Variants in SUMF1 observed in about 807,000 individuals in gnomAD.
SUMF1 encodes sulfatase modifying factor 1, also known as formylglycine-generating enzyme.
SUMF1 carries 48 observed loss-of-function variants against 47.6 expected under a neutral mutation model. The ratio of observed to expected loss-of-function variants is 1.01; its 90% CI spans 0.80 to 1.28. The LOEUF is 1.28. Among genes scored for constraint, SUMF1 ranks in the 50% most tolerant of loss-of-function variants. The probability of loss-of-function intolerance (pLI) is 0.00; values close to 1 mark genes in which losing one functional copy is unlikely to be tolerated. For missense variants in SUMF1, 571 were observed against 485.4 expected (o/e 1.18, Z -1.66); for synonymous variants, 230 against 192.1 (o/e 1.20, Z -1.63).
rs144321299 is a variant in SUMF1 at position 4,288,146 on chromosome 3, G to C, written c.1014+88184C>G. Among the ~76,000 whole-genome samples, 99 of 152,234 alleles carry C rather than the reference G, an allele frequency of 6.5e-4. 1 individual carries two copies. The highest frequency in any genetic ancestry group is 2.3e-3 in the African/African-American group (96 of 41,560). On this transcript the variant is annotated intron_variant and NMD_transcript_variant, in intron 8 of 12. Transcript: ENST00000448413. ...CCAGACAACACCTAGGGAAGGTGAG[G>C]AATATACAATAATACAAATGAAGTT...
At chr3:4,228,735 T>G (rs1696232240) in intron 8 of SUMF1, among the ~76,000 whole-genome samples, 1 of 152,128 alleles carries the variant, frequency 6.6e-6, no homozygotes, top group Non-Finnish European at 1.5e-5. Flanking sequence ...CTTAGAACCC[T>G]GACATATCAA....
rs769586805 is a variant in SUMF1 at position 4,174,155 on chromosome 3, G to C, written c.1015-105410C>G. Among the ~76,000 whole-genome samples, 13 of 151,946 alleles carry C rather than the reference G, an allele frequency of 8.6e-5. 1 individual carries two copies. The highest frequency in any genetic ancestry group is 5.2e-4 in the Admixed American group (8 of 15,264). On this transcript the variant is annotated intron_variant and NMD_transcript_variant, in intron 8 of 12. Transcript: ENST00000448413. Reference sequence around the variant, plus strand: ...GTGGATCATGAGGTCAGGAGATCGAGAGCATCCTGGCTAACATGGTGAAAC... The same window carrying C: ...GTGGATCATGAGGTCAGGAGATCGACAGCATCCTGGCTAACATGGTGAAAC...
At chr3:4,447,519 T>C (rs1575234570) in intron 3 of SUMF1, among the ~76,000 whole-genome samples, 1 of 151,906 alleles carries the variant, frequency 6.6e-6, no homozygotes, top group Admixed American at 6.6e-5. Context: ...TCTCCCCTAC[T>C]GCTCAAATTT....
At chr3:4,130,459 T>G (rs1416711015) in intron 8 of SUMF1, among the ~76,000 whole-genome samples, 3 of 152,178 alleles carry the variant, frequency 2.0e-5, no homozygotes, top group Non-Finnish European at 4.4e-5. Context: ...CTTGATCTCT[T>G]TTTGCTTCTG....
chr3:4,457,001 T>C (rs995863161), intron 1 of SUMF1, among the ~76,000 whole-genome samples: 6 of 145,142 alleles, frequency 4.1e-5, no homozygotes, highest in Non-Finnish European at 7.6e-5. Context: ...CGTGTGTGTA[T>C]ATATATACGT....
intron 8 of SUMF1, among the ~76,000 whole-genome samples, chr3:4,346,531 G>A (rs1479678539): frequency 1.3e-5 from 2 of 152,128 alleles, no homozygotes; most frequent in Non-Finnish European, 2.9e-5. Context: ...CTAAAACAGA[G>A]TTAAGAGGGA....
At position 4,183,182 on chromosome 3, in the gene SUMF1, C is replaced by G. The variant is rs116120339; in HGVS notation, c.1015-114437G>C. Reference sequence around the variant, plus strand: ...AAAAGCTTGGTGTCAGAGGCAAAGACAGTTAATTTACTACAATTCCATTGT... The same window carrying G: ...AAAAGCTTGGTGTCAGAGGCAAAGAGAGTTAATTTACTACAATTCCATTGT... On this transcript the variant is annotated intron_variant and NMD_transcript_variant, in intron 8 of 12. Coordinates refer to the SUMF1 transcript ENST00000448413. Among the ~76,000 whole-genome samples, 670 of 152,228 alleles carry G rather than the reference C, an allele frequency of 4.4e-3. 6 individuals are homozygous for G. Among genetic ancestry groups the G allele is most frequent in the African/African-American group, 0.015 (630 of 41,530 alleles).
chr3:4,379,260 C>G (rs1359709712), intron 7 of SUMF1, among the ~76,000 whole-genome samples: 4 of 152,172 alleles, frequency 2.6e-5, no homozygotes, highest in African/African-American at 4.8e-5. Flanking sequence ...GAAATAGGAA[C>G]TTTGCAGACT....
At chr3:4,109,283 CAG>C (rs1693235022) in intron 8 of SUMF1, among the ~76,000 whole-genome samples, 1 of 152,116 alleles carries the variant, frequency 6.6e-6, no homozygotes, top group Admixed American at 6.5e-5. Context: ...AGAGTTTCTG[CAG>C]AGAGATCCGC....
intron 8 of SUMF1, among the ~76,000 whole-genome samples, chr3:4,097,848 C>G (rs765837998): frequency 3.5e-4 from 53 of 152,138 alleles, no homozygotes; most frequent in Non-Finnish European, 6.9e-4. Flanking sequence ...TTAGCTCCAG[C>G]TATCCATCAG....
At chr3:4,131,001 C>T (rs534720048) in intron 8 of SUMF1, among the ~76,000 whole-genome samples, 2 of 152,176 alleles carry the variant, frequency 1.3e-5, no homozygotes, top group Admixed American at 1.3e-4. Context: ...ACTGCAGAGC[C>T]CTGTAGGATT....
chr3:4,313,994 T>G, intron 8 of SUMF1: 1 of 732,004 alleles, frequency 1.4e-6, no homozygotes. Context: ...ACTGTTCTAG[T>G]TAATAGGATA....
intron 8 of SUMF1, among the ~76,000 whole-genome samples, chr3:4,071,486 G>C (rs934222119): frequency 3.9e-5 from 6 of 152,196 alleles, no homozygotes; most frequent in African/African-American, 1.4e-4. Context: ...AGCAGACCAG[G>C]AGATTCCCTA....
intron 3 of SUMF1, among the ~76,000 whole-genome samples, chr3:4,443,322 G>T (rs148662478): frequency 1.2e-4 from 19 of 152,068 alleles, no homozygotes; most frequent in African/African-American, 4.6e-4. Flanking sequence ...TGAAGAAAAT[G>T]ATGCAAGAGA....
chr3:4,334,903 CA>C (rs1182876500), intron 8 of SUMF1, among the ~76,000 whole-genome samples: 1 of 152,168 alleles, frequency 6.6e-6, no homozygotes, highest in Admixed American at 6.5e-5. Context: ...TCCTGTAAAA[CA>C]GTTTATCTTT....
chr3:4,037,797 C>T (rs929220624), intron 9 of SUMF1, among the ~76,000 whole-genome samples: 6 of 152,172 alleles, frequency 3.9e-5, no homozygotes, highest in African/African-American at 1.4e-4. Context: ...GTTCCTTTAA[C>T]TGTGATATAG....
At chr3:4,348,266 G>A (rs921564235) in intron 8 of SUMF1, among the ~76,000 whole-genome samples, 2 of 152,158 alleles carry the variant, frequency 1.3e-5, no homozygotes, top group Admixed American at 6.5e-5. Context: ...CACACTACCT[G>A]ACTTCAAACT....
intron 3 of SUMF1, among the ~76,000 whole-genome samples, chr3:4,439,003 A>G (rs1702491665): frequency 6.6e-6 from 1 of 152,238 alleles, no homozygotes; most frequent in Non-Finnish European, 1.5e-5. Context: ...ATAGCAAAAT[A>G]GCTGCACGCT....
At chr3:4,312,703 T>TA (rs375529794) in intron 8 of SUMF1, among the ~76,000 whole-genome samples, 35,882 of 135,796 alleles carry the variant, frequency 0.26, 6,734 homozygotes, top group African/African-American at 0.54. Context: ...CCCTGTCTCT[T>TA]AAAAAAAAAA....
Sources: gnomAD v4.1 joint callset for allele counts (sites outside exome capture counted in the v4.1 genomes callset) on GRCh38, gnomAD v4.1.1 for gene constraint, MANE v1.5 for transcripts, NCBI Gene and HGNC (gene_info 2026-07-23, HGNC 2026-07-21) for gene names.